TMEM131: variants seen among roughly 807,000 people sequenced by gnomAD.
The protein encoded by TMEM131 is 2610524E03Rik.
Under a neutral mutation model 211.6 loss-of-function variants are expected in TMEM131, and 66 were observed. The ratio of observed to expected loss-of-function variants is 0.31; its 90% confidence interval spans 0.26 to 0.38. The LOEUF (loss-of-function observed/expected upper bound fraction) is 0.38. Ranked by LOEUF, TMEM131 falls within the 10% of genes least tolerant of loss-of-function variation. TMEM131 has a pLI of 1.00. For synonymous variants in TMEM131, 844 were observed against 841.3 expected (o/e 1.00, Z -0.06); for missense variants, 2,036 against 2,299.3 (o/e 0.89, Z 2.34).
chr2:97,793,046 AAACTTC>A (rs1051850358), intron 30 of TMEM131, 62 bp from the exon 31 acceptor site: 47 of 1,259,132 alleles, frequency 3.7e-5, no homozygotes, highest in Middle Eastern at 2.0e-4. Flanking sequence ...TATTAAAAAA[AAACTTC>A]AACTTCATCA....
At chr2:97,910,672 ATGGTATCTCAT>A (rs1559441667) in intron 2 of TMEM131, among the ~76,000 whole-genome samples, 2 of 152,098 alleles carry the variant, frequency 1.3e-5, no homozygotes, top group African/African-American at 4.8e-5. Context: ...CCGGTGTGAG[ATGGTATCTCAT>A]TGTGGTTTTG....
intron 1 of TMEM131, among the ~76,000 whole-genome samples, chr2:97,931,450 C>A (rs1210267030): frequency 6.6e-6 from 1 of 152,128 alleles, no homozygotes; most frequent in Non-Finnish European, 1.5e-5. Flanking sequence ...AAAGACAAAT[C>A]TTTGTCTACT....
chr2:97,875,897 A>G (rs1224983326), intron 4 of TMEM131, among the ~76,000 whole-genome samples: 2 of 152,202 alleles, frequency 1.3e-5, no homozygotes, highest in African/African-American at 4.8e-5. Context: ...TAGAGACACA[A>G]AAAACCCTTC....
At chr2:97,772,494 TACAG>T (rs1253806826) in intron 32 of TMEM131, 70 bp from the exon 33 acceptor site, 1 of 1,497,522 alleles carries the variant, frequency 6.7e-7, no homozygotes, top group Non-Finnish European at 9.1e-7. Context: ...CATTTTAAGA[TACAG>T]ACACAAAATC....
chr2:97,775,209 CTT>C (rs748936432), intron 32 of TMEM131, among the ~76,000 whole-genome samples: 56 of 152,208 alleles, frequency 3.7e-4, no homozygotes, highest in Non-Finnish European at 6.5e-4. Context: ...GGACCCGACA[CTT>C]TGCACTGCTC....
chr2:97,892,752 AAAATTTTAAACC>A (rs1348180740), intron 3 of TMEM131, among the ~76,000 whole-genome samples: 1 of 152,162 alleles, frequency 6.6e-6, no homozygotes, highest in Non-Finnish European at 1.5e-5. Context: ...TTTTATCCTA[AAAATTTTAAACC>A]TTTAACTTTT....
intron 3 of TMEM131, among the ~76,000 whole-genome samples, chr2:97,902,968 T>C (rs1187210725): frequency 2.0e-5 from 3 of 152,188 alleles, no homozygotes; most frequent in Non-Finnish European, 4.4e-5. Flanking sequence ...AGACGGCCTA[T>C]TGTGGGACCT....
chr2:97,916,077 C>T (rs775220719), intron 2 of TMEM131, among the ~76,000 whole-genome samples: 1 of 152,114 alleles, frequency 6.6e-6, no homozygotes, highest in Non-Finnish European at 1.5e-5. Context: ...GCACGCCCAG[C>T]TAATTTTTTT....
intron 1 of TMEM131, among the ~76,000 whole-genome samples, chr2:97,935,424 CT>C (rs1677401907): frequency 6.6e-6 from 1 of 152,130 alleles, no homozygotes; most frequent in South Asian, 2.1e-4. Flanking sequence ...CAATAAGAAT[CT>C]GTATTAAAAA....
chr2:97,952,093 G>C (rs1296786319), intron 1 of TMEM131, among the ~76,000 whole-genome samples: 4 of 151,716 alleles, frequency 2.6e-5, no homozygotes, highest in Non-Finnish European at 5.9e-5. Flanking sequence ...GGAGGCGGAG[G>C]GTGCAGTGAG....
intron 1 of TMEM131, among the ~76,000 whole-genome samples, chr2:97,975,279 G>C (rs1219260286): frequency 6.6e-6 from 1 of 151,586 alleles, no homozygotes; most frequent in Non-Finnish European, 1.5e-5. Flanking sequence ...AAGTGAAAAA[G>C]TCAATGAAAC....
chr2:97,943,171 C>T (rs1677879516), intron 1 of TMEM131, among the ~76,000 whole-genome samples: 1 of 151,862 alleles, frequency 6.6e-6, no homozygotes, highest in Non-Finnish European at 1.5e-5. Context: ...TTGCTTAAAC[C>T]CAGAAGTCTG....
intron 4 of TMEM131, among the ~76,000 whole-genome samples, chr2:97,867,378 T>C (rs1573481409): frequency 6.6e-6 from 1 of 152,356 alleles, no homozygotes; most frequent in East Asian, 1.9e-4. Flanking sequence ...ATTAGTTATA[T>C]ATATATATGT....
intron 31 of TMEM131, among the ~76,000 whole-genome samples, chr2:97,783,447 A>C (rs888419978): frequency 1.3e-4 from 20 of 152,134 alleles, no homozygotes; most frequent in Admixed American, 1.3e-3. Flanking sequence ...AAAAATTCAA[A>C]CATTATCTGA....
intron 1 of TMEM131, among the ~76,000 whole-genome samples, chr2:97,941,917 C>T (rs966975788): frequency 3.3e-5 from 5 of 152,088 alleles, no homozygotes; most frequent in Non-Finnish European, 7.4e-5. Flanking sequence ...GACAGTGGGG[C>T]GATTCCTCAA....
intron 1 of TMEM131, among the ~76,000 whole-genome samples, chr2:97,944,907 T>TA (rs1235251872): frequency 6.6e-6 from 1 of 152,110 alleles, no homozygotes; most frequent in Non-Finnish European, 1.5e-5. Context: ...GGGTAGTTAT[T>TA]AAAAAAACTA....
intron 1 of TMEM131, among the ~76,000 whole-genome samples, chr2:97,962,133 G>A (rs766139387): frequency 2.0e-5 from 3 of 152,194 alleles, no homozygotes; most frequent in Admixed American, 6.5e-5. Context: ...AATATACACA[G>A]ACCTGTAAAT....
At chr2:97,794,833 T>A (rs1435743604) in intron 29 of TMEM131, 97 bp downstream of exon 29, 7 of 1,017,640 alleles carry the variant, frequency 6.9e-6, no homozygotes, top group Non-Finnish European at 9.8e-6. Flanking sequence ...TTTGCTGGCA[T>A]ATCCTAGCAC....
intron 2 of TMEM131, among the ~76,000 whole-genome samples, chr2:97,912,593 A>G (rs1246336632): frequency 6.6e-6 from 1 of 152,190 alleles, no homozygotes; most frequent in African/African-American, 2.4e-5. Flanking sequence ...TCTCTTCACC[A>G]CATCTCTTTA....
Sources: allele counts gnomAD v4.1 joint callset (sites outside exome capture counted in the v4.1 genomes callset), GRCh38; gene constraint gnomAD v4.1.1; transcripts MANE v1.5; gene names NCBI Gene and HGNC (gene_info 2026-07-23, HGNC 2026-07-21).